SRL: variants seen among roughly 807,000 people sequenced by gnomAD.
SRL encodes sarcalumenin.
A neutral mutation model predicts 39.5 loss-of-function variants in SRL; 23 were observed. The observed-to-expected ratio is 0.58, with a 90% CI of 0.42 to 0.82. The LOEUF is 0.82. Ranked by LOEUF, SRL falls within the 40% of genes least tolerant of loss-of-function variation. SRL has a pLI of 0.00. For synonymous variants in SRL, 272 were observed against 237.4 expected (o/e 1.15, Z -1.34); for missense variants, 592 against 607.8 (o/e 0.97, Z 0.27).
intron 5 of SRL, among the ~76,000 whole-genome samples, 200 bp downstream of exon 5, chr16:4,195,353 T>G (rs2052121638): frequency 1.3e-5 from 2 of 152,120 alleles, no homozygotes; most frequent in African/African-American, 4.8e-5. Flanking sequence ...CATGCGAACA[T>G]GCCTGGCTAT....
At chr16:4,204,428 G>A (rs997413127) in intron 2 of SRL, 105 bp downstream of exon 2, 1 of 1,073,606 alleles carries the variant, frequency 9.3e-7, no homozygotes, top group Non-Finnish European at 1.4e-6. Flanking sequence ...CGGCCTCCAA[G>A]ATACAGCCCC....
At chr16:4,224,025 T>G (rs1341459062) in intron 1 of SRL, among the ~76,000 whole-genome samples, 2 of 151,852 alleles carry the variant, frequency 1.3e-5, no homozygotes, top group East Asian at 3.9e-4. Flanking sequence ...CAGCTGGTGG[T>G]CGGGGGCCCT....
rs780383280 is a variant in SRL at position 4,192,234 on chromosome 16, C to G, written c.1341G>C (p.Gly447=). 1 of 1,610,874 alleles carries G rather than the reference C, an allele frequency of 6.2e-7. No individual in the cohort carries two copies. The highest frequency in any genetic ancestry group is 1.1e-5 in the South Asian group (1 of 90,520). The change falls in exon 6 of 6, where the codon GGG becomes GGC. Residue 447 remains glycine, a synonymous_variant. Transcript: ENST00000399609. This position sits in a 1 kb window ranked among gnomAD's most constrained non-coding sequence, Gnocchi z 4.0. ...QELPGLLGSL[G]LGKNPGALNC... is the part of the protein sequence containing the mutation. ...TGAGAGCACCTGGATTCTTCCCGAG[C>G]CCGAGGCTACCCAGGAGGCCCGGAA... is the stretch of plus-strand genomic sequence containing the variant.
intron 1 of SRL, among the ~76,000 whole-genome samples, chr16:4,222,957 C>T (rs963863260): frequency 1.2e-4 from 18 of 151,864 alleles, no homozygotes; most frequent in African/African-American, 2.9e-4. Flanking sequence ...AGGCTGAGTG[C>T]GGTGGCTCAT....
intron 2 of SRL, among the ~76,000 whole-genome samples, chr16:4,203,695 T>A (rs1296000341): frequency 7.8e-6 from 1 of 128,736 alleles, no homozygotes; most frequent in Non-Finnish European, 1.5e-5. Context: ...CCTGAGCTGT[T>A]TTTTTTTAAA....
At chr16:4,211,551 C>T (rs60219682) in intron 1 of SRL, among the ~76,000 whole-genome samples, 2 of 64,012 alleles carry the variant, frequency 3.1e-5, no homozygotes, top group East Asian at 2.7e-4. Flanking sequence ...ATGACCGTGC[C>T]GATGATGAGG....
intron 1 of SRL, among the ~76,000 whole-genome samples, chr16:4,222,539 G>A (rs1318718496): frequency 6.6e-6 from 1 of 152,144 alleles, no homozygotes; most frequent in Non-Finnish European, 1.5e-5. Context: ...CTCCCAAAGT[G>A]CTTAGATTAC....
intron 1 of SRL, among the ~76,000 whole-genome samples, chr16:4,212,409 C>T (rs940865316): frequency 6.6e-6 from 1 of 152,160 alleles, no homozygotes; most frequent in Non-Finnish European, 1.5e-5. Flanking sequence ...TGGGAGCCTC[C>T]GATTACACTC....
intron 1 of SRL, among the ~76,000 whole-genome samples, chr16:4,206,145 C>T (rs1005429025): frequency 6.6e-5 from 10 of 152,174 alleles, no homozygotes; most frequent in Non-Finnish European, 1.5e-4. Context: ...GAGCTTAGCC[C>T]GGCCCTTCCC....
chr16:4,193,786 G>C (rs565492215), intron 5 of SRL, among the ~76,000 whole-genome samples: 1 of 151,312 alleles, frequency 6.6e-6, no homozygotes, highest in East Asian at 1.9e-4. Flanking sequence ...AGGACTACCT[G>C]TCTTAAAAAC....
At chr16:4,206,756 C>T in intron 1 of SRL, 1 of 339,214 alleles carries the variant, frequency 2.9e-6, no homozygotes, top group South Asian at 1.6e-5. Flanking sequence ...ACTCTCCCTC[C>T]CCCTGATGTC....
At chr16:4,218,373 G>A (rs910751522) in intron 1 of SRL, among the ~76,000 whole-genome samples, 61 of 152,158 alleles carry the variant, frequency 4.0e-4, no homozygotes, top group Admixed American at 2.0e-4. Context: ...ACAGCAACAC[G>A]GTCGGAGGGA....
chr16:4,195,056 A>T (rs12102404), intron 5 of SRL, among the ~76,000 whole-genome samples: 3,084 of 151,676 alleles, frequency 0.02, 107 homozygotes, highest in African/African-American at 0.068. Context: ...CACCATGCCA[A>T]CCTAATTTTT....
chr16:4,198,040 C>T (rs959895242), intron 3 of SRL, 125 bp from the exon 4 acceptor site: 72 of 700,232 alleles, frequency 1.0e-4, no homozygotes, highest in Middle Eastern at 2.9e-4. Flanking sequence ...ATGAATCAGA[C>T]GTGTGTAGCC....
chr16:4,195,363 T>C (rs2052121849), intron 5 of SRL, among the ~76,000 whole-genome samples, 190 bp downstream of exon 5: 1 of 151,966 alleles, frequency 6.6e-6, no homozygotes, highest in African/African-American at 2.4e-5. Context: ...TGCCTGGCTA[T>C]TGTTTAAATT....
chr16:4,219,297 C>T (rs549572220), intron 1 of SRL, among the ~76,000 whole-genome samples: 4 of 152,234 alleles, frequency 2.6e-5, no homozygotes, highest in Admixed American at 2.0e-4. Context: ...TTCTCCCAGA[C>T]GTTTCTAAGC....
At chr16:4,229,305 G>T (rs147098855) in intron 1 of SRL, among the ~76,000 whole-genome samples, 5,910 of 152,116 alleles carry the variant, frequency 0.039, 395 homozygotes, top group African/African-American at 0.14. Context: ...TTAGCCAAGC[G>T]TGGTGGTGGG....
Position 4,190,041 on chromosome 16 carries a change from G to C in SRL, c.*2112C>G, listed in dbSNP as rs1289570054. 5 of 383,974 alleles carry C rather than the reference G, an allele frequency of 1.3e-5. No individual in the cohort carries two copies. The highest frequency in any genetic ancestry group is 1.8e-5 in the Non-Finnish European group (4 of 217,388). The allele number at this position is 383,974 out of a possible 1,614,324, so 23.8% of individuals were successfully genotyped here. On this transcript the variant is annotated 3_prime_UTR_variant, in exon 6 of 6. Coordinates refer to ENST00000399609, the MANE Select transcript of SRL (RefSeq NM_001098814.2). The stretch of plus-strand genomic sequence containing the variant: ...CATCAGCCCCTATCACAGGCTCCGT[G>C]GATGCCCCTTGCAGAACTCACTGTT...
intron 5 of SRL, among the ~76,000 whole-genome samples, chr16:4,194,704 A>G (rs1157852108): frequency 1.3e-5 from 2 of 152,058 alleles, no homozygotes; most frequent in Non-Finnish European, 2.9e-5. Context: ...CCACTTTGGA[A>G]AATATTGCCG....
Sources: gnomAD v4.1 joint callset for allele counts (sites outside exome capture counted in the v4.1 genomes callset) on GRCh38, gnomAD v4.1.1 for gene constraint, Gnocchi (gnomAD v3.1) non-coding constraint, MANE v1.5 for transcripts, NCBI Gene and HGNC (gene_info 2026-07-23, HGNC 2026-07-21) for gene names.